MKLN1: variants seen among roughly 807,000 people sequenced by gnomAD.
The protein encoded by MKLN1 is muskelin 1.
In MKLN1, 18 loss-of-function variants were observed where a neutral mutation model predicts 99.0. The ratio of observed to expected loss-of-function variants is 0.18; its 90% CI spans 0.13 to 0.27. MKLN1 has a LOEUF of 0.27. MKLN1 is among the 10% of genes least tolerant of loss of function. The pLI is 1.00. For synonymous variants in MKLN1, 288 were observed against 293.2 expected (o/e 0.98, Z 0.18); for missense variants, 621 against 875.9 (o/e 0.71, Z 3.67).
At chr7:131,440,349 G>C (rs1298600949) in intron 10 of MKLN1, among the ~76,000 whole-genome samples, 1 of 152,174 alleles carries the variant, frequency 6.6e-6, no homozygotes, top group Non-Finnish European at 1.5e-5. Flanking sequence ...TTCACCGGAA[G>C]TGCCATATTT....
intron 3 of MKLN1, among the ~76,000 whole-genome samples, chr7:131,205,632 C>T (rs1473890666): frequency 1.3e-5 from 2 of 152,086 alleles, no homozygotes; most frequent in Admixed American, 6.5e-5. Flanking sequence ...TAGACTCTTA[C>T]GTGGGGGCTC....
At chr7:131,331,629 A>G (rs1799077989) in intron 1 of MKLN1, among the ~76,000 whole-genome samples, 1 of 152,106 alleles carries the variant, frequency 6.6e-6, no homozygotes, top group African/African-American at 2.4e-5. Flanking sequence ...CAATAATAAT[A>G]ATGATGAGGA....
intron 3 of MKLN1, among the ~76,000 whole-genome samples, chr7:131,229,265 G>C (rs974227758): frequency 2.6e-5 from 4 of 151,702 alleles, no homozygotes; most frequent in African/African-American, 9.7e-5. Flanking sequence ...TGCACCCATC[G>C]ATCCGTCATC....
chr7:131,193,357 T>A (rs992113609), intron 2 of MKLN1, among the ~76,000 whole-genome samples: 3 of 152,154 alleles, frequency 2.0e-5, no homozygotes, highest in Non-Finnish European at 2.9e-5. Flanking sequence ...GTCACATTTT[T>A]AAAAATTATT....
At chr7:131,466,998 T>TA (rs976126020) in intron 15 of MKLN1, among the ~76,000 whole-genome samples, 2 of 152,168 alleles carry the variant, frequency 1.3e-5, no homozygotes, top group Non-Finnish European at 2.9e-5. Context: ...AATAAACTAC[T>TA]AAAAAATGCA....
chr7:131,263,675 G>A (rs974109433), intron 3 of MKLN1, among the ~76,000 whole-genome samples: 2 of 151,636 alleles, frequency 1.3e-5, no homozygotes, highest in Non-Finnish European at 2.9e-5. Flanking sequence ...GGGTTCAAGC[G>A]ATTCTCCTAC....
Position 131,495,668 on chromosome 7 carries a change from T to TC in MKLN1, c.*7946dup, listed in dbSNP as rs1238585072. On this transcript the variant is annotated 3_prime_UTR_variant, in exon 18 of 18. Transcript: ENST00000352689. The stretch of plus-strand genomic sequence containing the variant: ...GAAAGGACCAGGCTGGAAGCATATG[T>TC]CCCCCCACCCTTATTTATATTCCTT... The TC allele has an allele frequency of 6.6e-6, 1 of 152,066 alleles. No individual in the cohort carries two copies. Among genetic ancestry groups the TC allele is most frequent in the South Asian group, 2.1e-4 (1 of 4,818 alleles). 9.4% of individuals were successfully genotyped at this position (152,066 alleles called of 1,614,324 possible).
chr7:131,136,583 T>C (rs1795651392), intron 1 of MKLN1, among the ~76,000 whole-genome samples: 1 of 152,196 alleles, frequency 6.6e-6, no homozygotes. Flanking sequence ...CGATTCCATA[T>C]AGAATGTGTT....
intron 1 of MKLN1, among the ~76,000 whole-genome samples, chr7:131,366,352 C>T (rs1235321440): frequency 6.6e-6 from 1 of 152,070 alleles, no homozygotes; most frequent in Non-Finnish European, 1.5e-5. Context: ...GCTTGACTGA[C>T]TTTTCTTCAT....
At chr7:131,185,967 CA>C (rs200691295) in intron 2 of MKLN1, among the ~76,000 whole-genome samples, 2,378 of 149,346 alleles carry the variant, frequency 0.016, 70 homozygotes, top group African/African-American at 0.056. Flanking sequence ...CTGAGGTGGG[CA>C]GATCATGAGG....
intron 3 of MKLN1, among the ~76,000 whole-genome samples, chr7:131,206,549 T>TATTATTATTATTATC (rs1796813748): frequency 6.7e-6 from 1 of 148,970 alleles, no homozygotes; most frequent in Non-Finnish European, 1.5e-5. Flanking sequence ...TTATTATTAT[T>TATTATTATTATTATC]ATTGTTATTA....
intron 3 of MKLN1, among the ~76,000 whole-genome samples, chr7:131,251,140 T>C (rs10267775): frequency 0.085 from 12,888 of 151,670 alleles, 619 homozygotes; most frequent in Middle Eastern, 0.14. Flanking sequence ...ATTTTGACCA[T>C]CTTAAAGTGT....
intron 3 of MKLN1, among the ~76,000 whole-genome samples, chr7:131,240,409 G>A (rs1032736152): frequency 3.3e-5 from 5 of 151,834 alleles, no homozygotes; most frequent in Admixed American, 6.6e-5. Context: ...ATTGGCAAAG[G>A]ATATAAATGA....
At chr7:131,124,604 G>C (rs1428850129) in intron 1 of MKLN1, among the ~76,000 whole-genome samples, 1 of 152,152 alleles carries the variant, frequency 6.6e-6, no homozygotes, top group East Asian at 1.9e-4. Flanking sequence ...TCAGACATCT[G>C]TAGCTCCCTC....
At chr7:131,469,111 C>T (rs1000063444) in intron 15 of MKLN1, among the ~76,000 whole-genome samples, 2 of 151,964 alleles carry the variant, frequency 1.3e-5, no homozygotes, top group African/African-American at 4.8e-5. Context: ...CTGACTTTCT[C>T]CCAACCTTGT....
At chr7:131,341,686 G>T (rs576776176) in intron 1 of MKLN1, among the ~76,000 whole-genome samples, 16 of 152,326 alleles carry the variant, frequency 1.1e-4, no homozygotes, top group African/African-American at 3.6e-4. Flanking sequence ...GAATGAAATT[G>T]TTCCATTTCA....
At chr7:131,319,379 G>A (rs1291322576) in intron 3 of MKLN1, among the ~76,000 whole-genome samples, 5 of 152,118 alleles carry the variant, frequency 3.3e-5, no homozygotes, top group South Asian at 2.1e-4. Context: ...AAAGGCCTTC[G>A]ATGAAATTCA....
intron 1 of MKLN1, among the ~76,000 whole-genome samples, chr7:131,367,902 A>G (rs1363937549): frequency 6.6e-6 from 1 of 152,182 alleles, no homozygotes; most frequent in East Asian, 1.9e-4. Flanking sequence ...GCTTTTAAAA[A>G]CAAGGGATGT....
intron 3 of MKLN1, among the ~76,000 whole-genome samples, chr7:131,219,625 G>C (rs1797032808): frequency 6.6e-6 from 1 of 152,082 alleles, no homozygotes; most frequent in African/African-American, 2.4e-5. Flanking sequence ...GAGGAAGTCT[G>C]TGAAATGAAA....
Sources: allele counts gnomAD v4.1 joint callset (sites outside exome capture counted in the v4.1 genomes callset), GRCh38; gene constraint gnomAD v4.1.1; transcripts MANE v1.5; gene names NCBI Gene and HGNC (gene_info 2026-07-23, HGNC 2026-07-21).